Variants in COL25A1 observed in about 807,000 individuals in gnomAD.
The protein encoded by COL25A1 is collagen type XXV alpha 1 chain.
In COL25A1, 103 loss-of-function variants were observed where a neutral mutation model predicts 128.4. The observed-to-expected ratio is 0.80, with a 90% CI of 0.68 to 0.94. The LOEUF (loss-of-function observed/expected upper bound fraction) is 0.94, where lower values mean the gene tolerates loss of function less well. Among genes scored for constraint, COL25A1 ranks in the 40% least tolerant of loss-of-function variants. COL25A1 has a pLI of 0.00. For synonymous variants in COL25A1, 279 were observed against 277.2 expected (o/e 1.01, Z -0.06); for missense variants, 745 against 840.0 (o/e 0.89, Z 1.40).
At chr4:108,860,798 C>T (rs1737113542) in intron 23 of COL25A1, 129 bp downstream of exon 23, 1 of 786,050 alleles carries the variant, frequency 1.3e-6, no homozygotes, top group Non-Finnish European at 2.1e-6. Context: ...GGAATAATTA[C>T]AGTAGTCTAC....
intron 5 of COL25A1, among the ~76,000 whole-genome samples, chr4:109,022,943 C>T (rs1480304388): frequency 6.6e-6 from 1 of 152,084 alleles, no homozygotes; most frequent in African/African-American, 2.4e-5. Flanking sequence ...TCCTAATCAA[C>T]CACTCAGAGA....
chr4:109,248,999 C>T (rs1780469716), intron 3 of COL25A1, among the ~76,000 whole-genome samples: 1 of 152,138 alleles, frequency 6.6e-6, no homozygotes, highest in Non-Finnish European at 1.5e-5. Context: ...AATGTAAATC[C>T]ACTAGGTGCC....
intron 3 of COL25A1, among the ~76,000 whole-genome samples, chr4:109,202,437 A>T (rs1776625360): frequency 6.6e-6 from 1 of 152,108 alleles, no homozygotes; most frequent in African/African-American, 2.4e-5. Context: ...CCAAACACAG[A>T]CCTTACACCT....
chr4:108,817,891 A>C (rs1197791816), intron 36 of COL25A1, among the ~76,000 whole-genome samples: 2 of 152,192 alleles, frequency 1.3e-5, no homozygotes, highest in Admixed American at 6.5e-5. Flanking sequence ...TCTGAAGTTT[A>C]TAGCTCTTCA....
chr4:109,000,471 C>G (rs1755239830), intron 6 of COL25A1, among the ~76,000 whole-genome samples: 1 of 152,118 alleles, frequency 6.6e-6, no homozygotes, highest in Non-Finnish European at 1.5e-5. Context: ...AAGTGCCAGA[C>G]TTGGTGGCTC....
At chr4:109,240,246 C>T (rs1239591578) in intron 3 of COL25A1, among the ~76,000 whole-genome samples, 1 of 151,970 alleles carries the variant, frequency 6.6e-6, no homozygotes, top group African/African-American at 2.4e-5. Flanking sequence ...ATGTGCTATA[C>T]TTTTGTATGA....
chr4:108,993,507 C>G (rs1051129675), intron 6 of COL25A1, among the ~76,000 whole-genome samples: 6 of 152,186 alleles, frequency 3.9e-5, no homozygotes, highest in African/African-American at 1.4e-4. Flanking sequence ...TCCTAAAGCA[C>G]TCATATGTAC....
intron 19 of COL25A1, among the ~76,000 whole-genome samples, chr4:108,870,121 T>G (rs1051775734): frequency 6.6e-6 from 1 of 151,982 alleles, no homozygotes; most frequent in African/African-American, 2.4e-5. Context: ...CCGGGTGTGA[T>G]GGTGCGAGCC....
chr4:109,064,078 T>A (rs1762209203), intron 3 of COL25A1, among the ~76,000 whole-genome samples: 2 of 152,152 alleles, frequency 1.3e-5, no homozygotes, highest in African/African-American at 4.8e-5. Context: ...ATACAACAGG[T>A]TGAAAGTCAA....
intron 3 of COL25A1, among the ~76,000 whole-genome samples, chr4:109,254,954 T>C (rs187270410): frequency 3.4e-3 from 521 of 152,346 alleles, no homozygotes; most frequent in Non-Finnish European, 5.7e-3. Flanking sequence ...CTGAGCTAAG[T>C]GCTTTCGCAG....
At chr4:109,012,375 G>A (rs1410333392) in intron 5 of COL25A1, among the ~76,000 whole-genome samples, 1 of 151,138 alleles carries the variant, frequency 6.6e-6, no homozygotes, top group Non-Finnish European at 1.5e-5. Context: ...CTCTGGCTAC[G>A]CTTGAGGAGC....
At chr4:109,031,240 T>A (rs1302591268) in intron 5 of COL25A1, among the ~76,000 whole-genome samples, 1 of 152,088 alleles carries the variant, frequency 6.6e-6, no homozygotes, top group Non-Finnish European at 1.5e-5. Context: ...GCCTTGTGAG[T>A]AGCTGGGACT....
At chr4:109,030,821 C>T (rs12642820) in intron 5 of COL25A1, among the ~76,000 whole-genome samples, 20,067 of 152,112 alleles carry the variant, frequency 0.13, 2,359 homozygotes, top group East Asian at 0.45. Flanking sequence ...GGCACCATCA[C>T]AGCTCACTGC....
intron 6 of COL25A1, among the ~76,000 whole-genome samples, chr4:108,983,221 A>T (rs965903274): frequency 6.6e-6 from 1 of 152,202 alleles, no homozygotes. Context: ...AGGTCAAATA[A>T]AATGAACTCC....
chr4:108,959,418 T>A (rs1430425011), intron 8 of COL25A1, among the ~76,000 whole-genome samples: 1 of 152,114 alleles, frequency 6.6e-6, no homozygotes, highest in Non-Finnish European at 1.5e-5. Context: ...ATTACTAATT[T>A]AAAATATAGA....
At chr4:108,973,632 A>G (rs1578943395) in intron 8 of COL25A1, among the ~76,000 whole-genome samples, 2 of 152,310 alleles carry the variant, frequency 1.3e-5, no homozygotes, top group African/African-American at 4.8e-5. Context: ...GCTTTTGTGC[A>G]TAGTGACATG....
At chr4:109,047,655 A>G (rs1427751275) in intron 5 of COL25A1, among the ~76,000 whole-genome samples, 1 of 152,092 alleles carries the variant, frequency 6.6e-6, no homozygotes, top group African/African-American at 2.4e-5. Context: ...AAATGGACAT[A>G]TATTGCATTC....
chr4:109,118,292 T>C (rs1241345008), intron 3 of COL25A1, among the ~76,000 whole-genome samples: 1 of 151,848 alleles, frequency 6.6e-6, no homozygotes, highest in East Asian at 1.9e-4. Flanking sequence ...TTGCACTGCA[T>C]AGTGACCCCA....
chr4:109,029,377 G>A (rs186151945), intron 5 of COL25A1, among the ~76,000 whole-genome samples: 4 of 152,238 alleles, frequency 2.6e-5, no homozygotes, highest in Admixed American at 6.5e-5. Flanking sequence ...CTAACGCTAC[G>A]TCAACAATGC....
Sources: allele counts gnomAD v4.1 joint callset (sites outside exome capture counted in the v4.1 genomes callset), GRCh38; gene constraint gnomAD v4.1.1; transcripts MANE v1.5; gene names NCBI Gene and HGNC (gene_info 2026-07-23, HGNC 2026-07-21).